The following MATCAP2 variants were observed in gnomAD, a reference collection of about 807,000 sequenced individuals.
MATCAP2 encodes putative tyrosine carboxypeptidase MATCAP2.
At chr7:36,364,727 G>A in the MATCAP2 span, among the ~76,000 whole-genome samples, 1 of 152,180 alleles carries the variant, frequency 6.6e-6, no homozygotes, top group South Asian at 2.1e-4. Context: ...CATGTTTTCA[G>A]CTTAACTCTC....
At chr7:36,357,506 CT>C in the MATCAP2 span, 1 of 1,614,012 alleles carries the variant, frequency 6.2e-7, no homozygotes, top group East Asian at 2.2e-5. Context: ...ATGTGAAATG[CT>C]TCTTTTGTTG....
the MATCAP2 span, among the ~76,000 whole-genome samples, chr7:36,333,261 A>G: frequency 6.6e-6 from 1 of 152,230 alleles, no homozygotes; most frequent in Non-Finnish European, 1.5e-5. Flanking sequence ...GCCCACCACA[A>G]AAAATCACAT....
the MATCAP2 span, chr7:36,336,341 A>T: frequency 2.4e-5 from 32 of 1,350,428 alleles, no homozygotes; most frequent in Non-Finnish European, 3.2e-5. Flanking sequence ...GCCTCATATT[A>T]CTTTGAGATG....
the MATCAP2 span, chr7:36,366,777 C>A: frequency 2.4e-5 from 37 of 1,534,536 alleles, no homozygotes; most frequent in Admixed American, 3.9e-5. Flanking sequence ...GCGCCTCCTG[C>A]GCGCCCCGAA....
At chr7:36,382,680 A>G in the MATCAP2 span, among the ~76,000 whole-genome samples, 1 of 152,128 alleles carries the variant, frequency 6.6e-6, no homozygotes, top group Non-Finnish European at 1.5e-5. Context: ...CTTTTAGTAG[A>G]GACAGGGTTT....
the MATCAP2 span, among the ~76,000 whole-genome samples, chr7:36,333,307 A>G: frequency 6.6e-6 from 1 of 152,196 alleles, no homozygotes; most frequent in African/African-American, 2.4e-5. Flanking sequence ...TGTTCAAAAC[A>G]GGTAAATCTA....
the MATCAP2 span, among the ~76,000 whole-genome samples, chr7:36,374,268 C>T: frequency 1.9e-4 from 28 of 147,414 alleles, no homozygotes; most frequent in East Asian, 2.7e-3. Flanking sequence ...TTTGTAGAGA[C>T]AAGGTCTCAC....
the MATCAP2 span, among the ~76,000 whole-genome samples, chr7:36,331,261 A>G: frequency 2.0e-5 from 3 of 152,196 alleles, no homozygotes; most frequent in Non-Finnish European, 4.4e-5. Context: ...GGGAAGTGCC[A>G]GGATGGTATG....
chr7:36,336,007 G>A, the MATCAP2 span: 3 of 446,728 alleles, frequency 6.7e-6, no homozygotes, highest in Admixed American at 4.3e-5. Flanking sequence ...AGGAGGCGGA[G>A]GTTGCAGTGA....
chr7:36,354,322 T>C, the MATCAP2 span, among the ~76,000 whole-genome samples: 1 of 152,236 alleles, frequency 6.6e-6, no homozygotes, highest in African/African-American at 2.4e-5. Flanking sequence ...GAACAGAGCA[T>C]GAGCACTGCC....
the MATCAP2 span, among the ~76,000 whole-genome samples, chr7:36,378,787 T>C: frequency 2.6e-5 from 4 of 152,214 alleles, no homozygotes; most frequent in Non-Finnish European, 5.9e-5. Flanking sequence ...TTTGTTTACC[T>C]ACTCAAGACT....
the MATCAP2 span, among the ~76,000 whole-genome samples, chr7:36,368,548 T>C: frequency 6.6e-6 from 1 of 152,210 alleles, no homozygotes; most frequent in Non-Finnish European, 1.5e-5. Context: ...CCACCTCTTG[T>C]CTGGATTATG....
the MATCAP2 span, among the ~76,000 whole-genome samples, chr7:36,353,701 G>A: frequency 5.4e-3 from 819 of 152,072 alleles, 5 homozygotes; most frequent in African/African-American, 0.018. Context: ...GGCTAGTCTC[G>A]AACTTCTGAC....
chr7:36,376,363 A>G, the MATCAP2 span, among the ~76,000 whole-genome samples: 1 of 152,220 alleles, frequency 6.6e-6, no homozygotes, highest in Non-Finnish European at 1.5e-5. Flanking sequence ...GTAGTCATTC[A>G]GGAGCAGGTT....
At chr7:36,368,046 A>C in the MATCAP2 span, among the ~76,000 whole-genome samples, 1 of 143,424 alleles carries the variant, frequency 7.0e-6, no homozygotes, top group African/African-American at 2.5e-5. Context: ...CCTGGGTGAC[A>C]AAGTGAGACT....
the MATCAP2 span, among the ~76,000 whole-genome samples, chr7:36,329,994 C>T: frequency 2.0e-5 from 3 of 151,622 alleles, no homozygotes; most frequent in Non-Finnish European, 2.9e-5. Context: ...CAGAAGGAAA[C>T]AATCTGATAA....
chr7:36,380,875 A>G, the MATCAP2 span, among the ~76,000 whole-genome samples: 1 of 152,120 alleles, frequency 6.6e-6, no homozygotes, highest in Non-Finnish European at 1.5e-5. Flanking sequence ...GATTACAGGT[A>G]TGCTTCACTG....
the MATCAP2 span, among the ~76,000 whole-genome samples, chr7:36,369,114 A>C: frequency 1.3e-5 from 2 of 152,234 alleles, no homozygotes; most frequent in African/African-American, 2.4e-5. Flanking sequence ...TTGTTTGTTC[A>C]CTGCTATATT....
chr7:36,337,123 A>AAAAAAAAAAAAC, the MATCAP2 span, among the ~76,000 whole-genome samples: 5 of 145,484 alleles, frequency 3.4e-5, 1 homozygote, highest in South Asian at 2.2e-4. Context: ...AAAAAAAAAA[A>AAAAAAAAAAAAC]AAGCAATCAG....
Sources: gnomAD v4.1 joint callset for allele counts (sites outside exome capture counted in the v4.1 genomes callset) on GRCh38, gnomAD v4.1.1 for gene constraint, MANE v1.5 for transcripts, NCBI Gene and HGNC (gene_info 2026-07-23, HGNC 2026-07-21) for gene names.